The following FOXN3 variants were observed in gnomAD, a reference collection of about 807,000 sequenced individuals.
The protein encoded by FOXN3 is forkhead box N3.
Under a neutral mutation model 38.4 loss-of-function variants are expected in FOXN3, and 7 were observed. The ratio of observed to expected loss-of-function variants is 0.18; its 90% confidence interval spans 0.10 to 0.34. The LOEUF is 0.34. Among genes scored for constraint, FOXN3 ranks in the 10% least tolerant of loss-of-function variants. FOXN3 has a pLI of 1.00. For synonymous variants in FOXN3, 230 were observed against 242.2 expected (o/e 0.95, Z 0.47); for missense variants, 456 against 613.4 (o/e 0.74, Z 2.71).
At chr14:89,436,744 C>T (rs1404422986) in intron 1 of FOXN3, among the ~76,000 whole-genome samples, 1 of 152,190 alleles carries the variant, frequency 6.6e-6, no homozygotes, top group Non-Finnish European at 1.5e-5. Context: ...AAGCCTTTAA[C>T]ATTAAACAAC....
chr14:89,387,730 A>G (rs17125805), intron 2 of FOXN3, among the ~76,000 whole-genome samples: 29,388 of 152,232 alleles, frequency 0.19, 3,019 homozygotes, highest in South Asian at 0.38. Context: ...CGGAGCCCTT[A>G]GGACAGAGTT....
chr14:89,447,971 G>A (rs1476332468), intron 1 of FOXN3, among the ~76,000 whole-genome samples: 2 of 151,642 alleles, frequency 1.3e-5, no homozygotes, highest in African/African-American at 2.4e-5. Context: ...CTGCCAACAC[G>A]CCCAGCTAAT....
At chr14:89,284,969 G>A (rs534759410) in intron 3 of FOXN3, among the ~76,000 whole-genome samples, 1 of 152,278 alleles carries the variant, frequency 6.6e-6, no homozygotes, top group African/African-American at 2.4e-5. Flanking sequence ...CTCCCAAGGG[G>A]ATATCCTGAG....
intron 2 of FOXN3, among the ~76,000 whole-genome samples, chr14:89,410,281 A>G (rs1285903933): frequency 6.6e-6 from 1 of 152,118 alleles, no homozygotes; most frequent in Non-Finnish European, 1.5e-5. Flanking sequence ...TGCCAGAGAG[A>G]AAGAAATTGA....
chr14:89,606,613 T>A (rs1316067336), intron 1 of FOXN3, among the ~76,000 whole-genome samples: 3 of 151,692 alleles, frequency 2.0e-5, no homozygotes, highest in African/African-American at 4.8e-5. Context: ...ACTTTGGGAG[T>A]CCGAGGTAGG....
At chr14:89,304,308 G>GGC (rs1345635358) in intron 3 of FOXN3, among the ~76,000 whole-genome samples, 2 of 152,118 alleles carry the variant, frequency 1.3e-5, no homozygotes, top group African/African-American at 4.8e-5. Flanking sequence ...CCCGGGAAGG[G>GGC]GCGGGAAGGG....
upstream of FOXN3, among the ~76,000 whole-genome samples, chr14:89,420,910 G>A (rs1183215508): frequency 6.6e-6 from 1 of 151,506 alleles, no homozygotes; most frequent in East Asian, 1.9e-4. Flanking sequence ...AGATAAATGG[G>A]GATGGTGGAT....
At chr14:89,551,069 G>A (rs1230372554) in intron 1 of FOXN3, among the ~76,000 whole-genome samples, 2 of 152,228 alleles carry the variant, frequency 1.3e-5, no homozygotes, top group Non-Finnish European at 1.5e-5. Flanking sequence ...AGCCTTTGAA[G>A]TTACGCACAA....
At chr14:89,199,374 C>T (rs1167698873) in intron 4 of FOXN3, among the ~76,000 whole-genome samples, 5 of 152,148 alleles carry the variant, frequency 3.3e-5, no homozygotes, top group Admixed American at 2.6e-4. Context: ...TGTGATTTTA[C>T]GCATCATCTT....
intron 1 of FOXN3, among the ~76,000 whole-genome samples, chr14:89,573,294 T>C (rs186948152): frequency 2.0e-5 from 3 of 152,292 alleles, no homozygotes; most frequent in Non-Finnish European, 2.9e-5. Flanking sequence ...ATGGTCTGAA[T>C]TGGAAATAGA....
chr14:89,368,026 C>G (rs867205031), intron 2 of FOXN3, among the ~76,000 whole-genome samples: 29 of 152,276 alleles, frequency 1.9e-4, no homozygotes, highest in African/African-American at 6.5e-4. Flanking sequence ...CTGCTGAGTT[C>G]TGCTATCAAA....
intron 2 of FOXN3, chr14:89,364,344 TG>T (rs1890066524): frequency 1.9e-5 from 2 of 102,748 alleles, no homozygotes; most frequent in South Asian, 7.3e-4. Context: ...TCTTTTTGTT[TG>T]TTTTTTTGTT....
At chr14:89,391,907 T>G (rs1221550353) in intron 2 of FOXN3, among the ~76,000 whole-genome samples, 1 of 152,172 alleles carries the variant, frequency 6.6e-6, no homozygotes, top group African/African-American at 2.4e-5. Context: ...CTCAGGAGGC[T>G]GAGGCGGGAG....
intron 1 of FOXN3, among the ~76,000 whole-genome samples, chr14:89,507,221 T>A (rs1269501488): frequency 6.6e-6 from 1 of 151,822 alleles, no homozygotes; most frequent in Non-Finnish European, 1.5e-5. Context: ...TCAGTTTAGC[T>A]TAGAAAGCCA....
intron 1 of FOXN3, among the ~76,000 whole-genome samples, chr14:89,446,051 G>A (rs1053069925): frequency 3.2e-5 from 4 of 124,468 alleles, no homozygotes; most frequent in African/African-American, 6.3e-5. Context: ...TTATACCACC[G>A]CACTCTAGCC....
intron 1 of FOXN3, among the ~76,000 whole-genome samples, chr14:89,499,808 C>T (rs1398131077): frequency 6.6e-6 from 1 of 152,182 alleles, no homozygotes; most frequent in Non-Finnish European, 1.5e-5. Context: ...CTTTTTCTTT[C>T]TTGTCCTATG....
intron 1 of FOXN3, among the ~76,000 whole-genome samples, chr14:89,534,833 A>G (rs1426684784): frequency 6.6e-6 from 1 of 152,202 alleles, no homozygotes; most frequent in African/African-American, 2.4e-5. Flanking sequence ...TCTGATGCCA[A>G]GAGGCCCGTT....
intron 1 of FOXN3, among the ~76,000 whole-genome samples, chr14:89,427,148 G>A (rs1401286020): frequency 6.7e-6 from 1 of 149,396 alleles, no homozygotes; most frequent in East Asian, 2.0e-4. Context: ...AGAAATGCTC[G>A]AACCAGGGAG....
chr14:89,329,091 C>T (rs1007754114), intron 3 of FOXN3, among the ~76,000 whole-genome samples: 1 of 152,114 alleles, frequency 6.6e-6, no homozygotes, highest in Non-Finnish European at 1.5e-5. Context: ...GAGAGGCCAC[C>T]GACCCTCACC....
Sources: gnomAD v4.1 joint callset for allele counts (sites outside exome capture counted in the v4.1 genomes callset) on GRCh38, gnomAD v4.1.1 for gene constraint, MANE v1.5 for transcripts, NCBI Gene and HGNC (gene_info 2026-07-23, HGNC 2026-07-21) for gene names.